Variants in CDH13 observed in about 807,000 individuals in gnomAD.
CDH13 encodes the protein cadherin 13.
CDH13 carries 24 observed loss-of-function variants against 63.8 expected under a neutral mutation model. That is an observed-to-expected ratio of 0.38 (90% CI 0.27 to 0.53). The LOEUF (loss-of-function observed/expected upper bound fraction) is 0.53, where lower values mean the gene tolerates loss of function less well. CDH13 is among the 20% of genes least tolerant of loss of function. The pLI is 0.85. For missense variants in CDH13, 1,049 were observed against 903.1 expected (o/e 1.16, Z -2.07); for synonymous variants, 503 against 355.3 (o/e 1.42, Z -4.67).
Position 83,783,304 on chromosome 16 carries a change from A to G in CDH13, c.1966A>G (p.Asn656Asp), listed in dbSNP as rs776340383. Reference sequence around the variant, plus strand: ...TCAAAATCTGAACAAAGCAAACTACAACCTGCCCATCATGGTGACAGATTC... The same window carrying G: ...TCAAAATCTGAACAAAGCAAACTACGACCTGCCCATCATGGTGACAGATTC... ...LLQNLNKANY[N>D]LPIMVTDSGK... The change falls in exon 13 of 14, where the codon AAC (asparagine) becomes GAC (aspartate). Residue 656 changes from asparagine to aspartate, a missense_variant. Coordinates refer to ENST00000567109, the MANE Select transcript of CDH13 (RefSeq NM_001257.5). 1.2e-6 allele frequency: 2 copies of G among 1,613,962 alleles called. No individual in the cohort carries two copies. Among genetic ancestry groups the G allele is most frequent in the Non-Finnish European group, 1.7e-6 (2 of 1,179,878 alleles).
chr16:83,170,888 T>C (rs2037885654), intron 4 of CDH13, among the ~76,000 whole-genome samples: 1 of 150,988 alleles, frequency 6.6e-6, no homozygotes, highest in Non-Finnish European at 1.5e-5. Flanking sequence ...AGATCCAGCA[T>C]CAATGAAAAT....
chr16:83,059,793 G>T (rs9935092), intron 3 of CDH13, among the ~76,000 whole-genome samples: 3,406 of 112,904 alleles, frequency 0.03, 173 homozygotes, highest in African/African-American at 0.094. Flanking sequence ...TTTTTTGTTT[G>T]TTTTTTTTTT....
intron 1 of CDH13, among the ~76,000 whole-genome samples, chr16:82,690,123 G>C (rs1490291522): frequency 3.7e-5 from 5 of 135,354 alleles, no homozygotes; most frequent in Non-Finnish European, 7.7e-5. Context: ...AGCCAAGATT[G>C]TGCTATTGCA....
At chr16:83,577,952 C>T (rs8051100) in intron 7 of CDH13, among the ~76,000 whole-genome samples, 149,140 of 152,322 alleles carry the variant, frequency 0.98, 73,098 homozygotes, top group East Asian at 1. Context: ...AATACCTTTT[C>T]CACAAAAATG....
intron 1 of CDH13, among the ~76,000 whole-genome samples, chr16:82,857,832 G>C (rs1729138463): frequency 6.7e-6 from 1 of 150,096 alleles, no homozygotes; most frequent in African/African-American, 2.4e-5. Context: ...CTTACAACAT[G>C]TCAGTTTCAG....
intron 6 of CDH13, among the ~76,000 whole-genome samples, chr16:83,351,231 G>A (rs1035956306): frequency 6.7e-6 from 1 of 148,272 alleles, no homozygotes; most frequent in Non-Finnish European, 1.5e-5. Context: ...ATTCTCAACT[G>A]CCCCAACCAA....
chr16:82,669,992 A>C (rs991320898), intron 1 of CDH13, among the ~76,000 whole-genome samples: 5 of 152,220 alleles, frequency 3.3e-5, no homozygotes, highest in African/African-American at 4.8e-5. Context: ...ACCATTATGC[A>C]GTTTTTATTC....
chr16:83,026,590 A>G (rs928462898), intron 2 of CDH13, among the ~76,000 whole-genome samples: 1 of 152,192 alleles, frequency 6.6e-6, no homozygotes, highest in African/African-American at 2.4e-5. Flanking sequence ...ATTTTACAGG[A>G]ATAGTGGCAA....
intron 7 of CDH13, among the ~76,000 whole-genome samples, chr16:83,564,522 C>T (rs1160891703): frequency 2.6e-5 from 4 of 151,432 alleles, no homozygotes; most frequent in African/African-American, 4.8e-5. Context: ...GATTCTCCTG[C>T]CTCAGTCTGC....
intron 1 of CDH13, among the ~76,000 whole-genome samples, chr16:82,749,529 T>C (rs1174110571): frequency 2.6e-5 from 4 of 152,188 alleles, no homozygotes; most frequent in African/African-American, 9.6e-5. Context: ...TAGCCTGTGC[T>C]ACAGATACAA....
At chr16:82,686,319 T>C (rs986356237) in intron 1 of CDH13, among the ~76,000 whole-genome samples, 1 of 152,012 alleles carries the variant, frequency 6.6e-6, no homozygotes, top group African/African-American at 2.4e-5. Context: ...CTCCTCCTGG[T>C]TCTGCGGAGA....
intron 1 of CDH13, among the ~76,000 whole-genome samples, chr16:82,714,867 G>A (rs1218094000): frequency 7.1e-6 from 1 of 139,892 alleles, no homozygotes; most frequent in African/African-American, 2.6e-5. Context: ...GAAACAGACT[G>A]CCATCTAGAG....
chr16:83,505,198 G>C (rs2074367422), intron 7 of CDH13, among the ~76,000 whole-genome samples: 1 of 152,184 alleles, frequency 6.6e-6, no homozygotes, highest in African/African-American at 2.4e-5. Context: ...CAGATCCCCA[G>C]GCTTCCCCTC....
chr16:82,760,960 G>A (rs1295479788), intron 1 of CDH13, among the ~76,000 whole-genome samples: 1 of 142,540 alleles, frequency 7.0e-6, no homozygotes, highest in East Asian at 2.1e-4. Context: ...ACCCCCATAA[G>A]CCAAATATCT....
At chr16:83,531,542 C>A (rs570898396) in intron 7 of CDH13, among the ~76,000 whole-genome samples, 3 of 152,198 alleles carry the variant, frequency 2.0e-5, no homozygotes, top group African/African-American at 7.2e-5. Context: ...TGAGACATGC[C>A]TTTCACTTTC....
intron 3 of CDH13, among the ~76,000 whole-genome samples, chr16:83,088,343 C>G (rs887894010): frequency 2.0e-4 from 30 of 152,146 alleles, no homozygotes; most frequent in African/African-American, 7.2e-4. Flanking sequence ...AGGGTTGTCA[C>G]CAAAACAATG....
chr16:82,954,070 A>G (rs1281204161), intron 2 of CDH13: 1 of 152,132 alleles, frequency 6.6e-6, no homozygotes, highest in African/African-American at 2.4e-5. Flanking sequence ...GTAGGGAATG[A>G]AGAAAGTCAG....
At chr16:82,971,808 G>T (rs72790197) in intron 2 of CDH13, among the ~76,000 whole-genome samples, 18,515 of 152,188 alleles carry the variant, frequency 0.12, 1,315 homozygotes, top group East Asian at 0.17. Flanking sequence ...CCCCTTAAAT[G>T]CTACCTTTTC....
chr16:83,068,669 T>TA (rs1894395459), intron 3 of CDH13, among the ~76,000 whole-genome samples: 2 of 152,048 alleles, frequency 1.3e-5, no homozygotes, highest in Admixed American at 6.6e-5. Context: ...TGCCATTAAT[T>TA]AAAAAAATAT....
Sources: allele counts gnomAD v4.1 joint callset (sites outside exome capture counted in the v4.1 genomes callset), GRCh38; gene constraint gnomAD v4.1.1; transcripts MANE v1.5; gene names NCBI Gene and HGNC (gene_info 2026-07-23, HGNC 2026-07-21).